Variants in THSD7A observed in about 807,000 individuals in gnomAD.
The protein encoded by THSD7A is thrombospondin type-1 domain-containing protein 7A.
THSD7A carries 96 observed loss-of-function variants against 231.3 expected under a neutral mutation model. The observed-to-expected ratio is 0.41, with a 90% CI of 0.35 to 0.49. The LOEUF (loss-of-function observed/expected upper bound fraction) is 0.49, where lower values mean the gene tolerates loss of function less well. THSD7A is among the 20% of genes least tolerant of loss of function. The pLI is 0.05. For synonymous variants in THSD7A, 940 were observed against 743.3 expected (o/e 1.26, Z -4.30); for missense variants, 2,290 against 2,070.2 (o/e 1.11, Z -2.06).
intron 24 of THSD7A, among the ~76,000 whole-genome samples, chr7:11,381,069 T>C (rs769287944): frequency 6.6e-6 from 1 of 152,154 alleles, no homozygotes; most frequent in Non-Finnish European, 1.5e-5. Context: ...TAAATTTTCT[T>C]TGAATAGTTT....
chr7:11,738,793 A>T (rs1230875670), intron 1 of THSD7A, among the ~76,000 whole-genome samples: 1 of 151,986 alleles, frequency 6.6e-6, no homozygotes, highest in Non-Finnish European at 1.5e-5. Context: ...GATGCTAGAA[A>T]AGGTAAGAAA....
intron 6 of THSD7A, chr7:11,519,949 A>AT (rs1562679882): frequency 6.6e-6 from 1 of 152,128 alleles, no homozygotes; most frequent in Non-Finnish European, 1.5e-5. Context: ...AGTATATTCA[A>AT]TTTTTCAGAA....
At chr7:11,822,428 C>T (rs562082976) in intron 1 of THSD7A, among the ~76,000 whole-genome samples, 1 of 152,200 alleles carries the variant, frequency 6.6e-6, no homozygotes, top group Non-Finnish European at 1.5e-5. Context: ...ATACACCACA[C>T]ATTTTCATTG....
chr7:11,392,259 G>A (rs949649572), intron 23 of THSD7A, among the ~76,000 whole-genome samples: 1 of 151,476 alleles, frequency 6.6e-6, no homozygotes, highest in Non-Finnish European at 1.5e-5. Context: ...CTGAAGCAGG[G>A]TGGGGTGTTG....
At chr7:11,830,700 T>C (rs1409339536) in intron 1 of THSD7A, among the ~76,000 whole-genome samples, 1 of 152,194 alleles carries the variant, frequency 6.6e-6, no homozygotes, top group Admixed American at 6.5e-5. Context: ...AGTGATGCAA[T>C]TGTAGAGTAG....
At chr7:11,519,719 T>C (rs1213696374) in intron 6 of THSD7A, among the ~76,000 whole-genome samples, 1 of 152,232 alleles carries the variant, frequency 6.6e-6, no homozygotes, top group Non-Finnish European at 1.5e-5. Context: ...TCGATTATCC[T>C]GCACTTCTGA....
chr7:11,582,790 A>G (rs993246019), intron 4 of THSD7A, among the ~76,000 whole-genome samples: 4 of 152,140 alleles, frequency 2.6e-5, no homozygotes, highest in African/African-American at 9.7e-5. Flanking sequence ...TCCTTTGTAA[A>G]TAATGTTTTT....
chr7:11,563,606 C>T (rs547475857), intron 4 of THSD7A, among the ~76,000 whole-genome samples: 34 of 152,286 alleles, frequency 2.2e-4, no homozygotes, highest in African/African-American at 8.2e-4. Context: ...AGGTGATCCG[C>T]CCTCCTCAGC....
intron 1 of THSD7A, among the ~76,000 whole-genome samples, chr7:11,703,729 T>C (rs1176502402): frequency 1.3e-5 from 2 of 151,226 alleles, no homozygotes; most frequent in Non-Finnish European, 3.0e-5. Context: ...ATAAACCCAT[T>C]ATATATTTCT....
At position 11,636,717 on chromosome 7, in the gene THSD7A, C is replaced by T. The variant is rs1562428178; in HGVS notation, c.435G>A (p.Glu145=). ...GAATACCTTCTTCCCCCTTAATGCACTCAAGAGGTTTCTCTAGGCTTTTTG... is the reference window on the plus strand; with the variant it reads ...GAATACCTTCTTCCCCCTTAATGCATTCAAGAGGTTTCTCTAGGCTTTTTG... ...VISKSLEKPL[E]CIKGEEGIQV... is the part of the protein sequence containing the mutation. Residue 145 remains glutamate, a synonymous_variant, in exon 2 of 28, where the codon GAG becomes GAA. Transcript: ENST00000423059. The surrounding 1 kb of genome is among the most constrained non-coding windows in gnomAD (Gnocchi z 10.0). The T allele has an allele frequency of 6.2e-7, 1 of 1,613,884 alleles. No homozygotes were observed. Among genetic ancestry groups the T allele is most frequent in the Non-Finnish European group, 8.5e-7 (1 of 1,179,900 alleles).
intron 11 of THSD7A, among the ~76,000 whole-genome samples, chr7:11,454,757 A>G (rs1785251144): frequency 6.6e-6 from 1 of 151,992 alleles, no homozygotes; most frequent in Admixed American, 6.6e-5. Context: ...TGAAATATGT[A>G]GCATGCATTC....
rs1255088648 is a variant in THSD7A at position 11,726,421 on chromosome 7, T to C, written c.191-89460A>G. On this transcript the variant is annotated intron_variant, in intron 1 of 27. Coordinates refer to ENST00000423059, the MANE Select transcript of THSD7A (RefSeq NM_015204.3). ...CACTGATTCATAATGAAAGGTTCAT[T>C]AGTCAGCTAACATGAGCACCATCAA... is the stretch of plus-strand genomic sequence containing the variant. 3.3e-5 allele frequency among the ~76,000 whole-genome samples: 5 copies of C among 152,154 alleles called. No homozygotes were observed. In the East Asian group the frequency reaches 9.7e-4, roughly 30 times the overall value.
At chr7:11,725,546 A>G (rs1446066835) in intron 1 of THSD7A, among the ~76,000 whole-genome samples, 1 of 152,000 alleles carries the variant, frequency 6.6e-6, no homozygotes, top group Non-Finnish European at 1.5e-5. Flanking sequence ...GCGAAATGTC[A>G]ATAGGACCAT....
chr7:11,465,797 C>A (rs1785679133), intron 9 of THSD7A, among the ~76,000 whole-genome samples: 1 of 152,002 alleles, frequency 6.6e-6, no homozygotes, highest in Non-Finnish European at 1.5e-5. Context: ...AAGGAGCAAA[C>A]AGAATTTGAG....
At chr7:11,577,534 C>T (rs1169926651) in intron 4 of THSD7A, among the ~76,000 whole-genome samples, 1 of 151,784 alleles carries the variant, frequency 6.6e-6, no homozygotes, top group African/African-American at 2.4e-5. Flanking sequence ...CCAGACTGAT[C>T]TTGAACTCCT....
chr7:11,402,170 T>C (rs768493434), intron 22 of THSD7A, among the ~76,000 whole-genome samples: 2 of 152,246 alleles, frequency 1.3e-5, no homozygotes, highest in Non-Finnish European at 1.5e-5. Context: ...CGTATGGCTA[T>C]TACTGGTCTA....
chr7:11,581,667 C>A (rs1321577369), intron 4 of THSD7A, among the ~76,000 whole-genome samples: 1 of 151,986 alleles, frequency 6.6e-6, no homozygotes, highest in East Asian at 1.9e-4. Flanking sequence ...AAAGATCATC[C>A]TTCACTCTAA....
At chr7:11,738,446 G>T (rs1394057769) in intron 1 of THSD7A, among the ~76,000 whole-genome samples, 1 of 151,998 alleles carries the variant, frequency 6.6e-6, no homozygotes, top group Non-Finnish European at 1.5e-5. Flanking sequence ...TGAATCAAAA[G>T]AATATAGGTA....
At chr7:11,586,192 A>G (rs1779896442) in intron 4 of THSD7A, among the ~76,000 whole-genome samples, 1 of 152,180 alleles carries the variant, frequency 6.6e-6, no homozygotes, top group African/African-American at 2.4e-5. Context: ...CAAACTTTAT[A>G]TGCCTGTTTG....
Sources: allele counts gnomAD v4.1 joint callset (sites outside exome capture counted in the v4.1 genomes callset), GRCh38; gene constraint gnomAD v4.1.1; non-coding constraint Gnocchi (gnomAD v3.1); transcripts MANE v1.5; gene names NCBI Gene and HGNC (gene_info 2026-07-23, HGNC 2026-07-21).